SEMA4D: variants seen among roughly 807,000 people sequenced by gnomAD.
SEMA4D encodes semaphorin 4D.
SEMA4D carries 22 observed loss-of-function variants against 74.8 expected under a neutral mutation model. That is an observed-to-expected ratio of 0.29 (90% CI 0.21 to 0.42). The LOEUF (loss-of-function observed/expected upper bound fraction) is 0.42, where lower values mean the gene tolerates loss of function less well. Ranked by LOEUF, SEMA4D falls within the 10% of genes least tolerant of loss-of-function variation. SEMA4D has a pLI of 1.00. For synonymous variants in SEMA4D, 445 were observed against 463.7 expected, an observed-to-expected ratio of 0.96 and a Z score of 0.52; for missense variants, 937 against 1,118.4, an observed-to-expected ratio of 0.84 and a Z score of 2.31.
At chr9:89,376,707 GC>G, downstream of SEMA4D, 1 of 1,342,356 alleles carries the variant, frequency 7.4e-7, no homozygotes, top group Admixed American at 2.7e-5. Flanking sequence ...CCCGAGGGAC[GC>G]AGCCAGGACA....
chr9:89,471,559 TAC>T (rs1470790591), intron 1 of SEMA4D, among the ~76,000 whole-genome samples: 1 of 152,252 alleles, frequency 6.6e-6, no homozygotes, highest in Admixed American at 6.5e-5. Flanking sequence ...ATCTTTATCA[TAC>T]ACACTGGCTC....
chr9:89,385,514 T>C, intron 13 of SEMA4D: 1 of 985,396 alleles, frequency 1.0e-6, no homozygotes, highest in Non-Finnish European at 1.2e-6. Flanking sequence ...GGTGAACAGA[T>C]GCCAGTACCC....
intron 2 of SEMA4D, among the ~76,000 whole-genome samples, chr9:89,451,636 G>A (rs1747269813): frequency 1.3e-5 from 2 of 152,166 alleles, no homozygotes; most frequent in African/African-American, 4.8e-5. Flanking sequence ...CTGGGACTTT[G>A]TAGAGAAAGG....
chr9:89,462,981 A>AGCGAGGGGAGGGGAGCGAGCGAG (rs370582513), intron 1 of SEMA4D, among the ~76,000 whole-genome samples: 6 of 144,476 alleles, frequency 4.2e-5, no homozygotes, highest in African/African-American at 5.1e-5. Flanking sequence ...GAGGGGAGCG[A>AGCGAGGGGAGGGGAGCGAGCGAG]GGGAGAAAGA....
At chr9:89,399,760 G>A (rs1391887895) in intron 4 of SEMA4D, among the ~76,000 whole-genome samples, 1 of 152,110 alleles carries the variant, frequency 6.6e-6, no homozygotes, top group Non-Finnish European at 1.5e-5. Flanking sequence ...CACTTTGGGA[G>A]GCTGAGGCAG....
chr9:89,475,349 G>A (rs999398982), intron 1 of SEMA4D, among the ~76,000 whole-genome samples: 3 of 152,204 alleles, frequency 2.0e-5, no homozygotes, highest in Non-Finnish European at 4.4e-5. Flanking sequence ...GGGGACACAT[G>A]CTGACCACCA....
At chr9:89,456,644 G>A (rs1856002683) in intron 1 of SEMA4D, among the ~76,000 whole-genome samples, 1 of 152,184 alleles carries the variant, frequency 6.6e-6, no homozygotes, top group East Asian at 1.9e-4. Flanking sequence ...GCAGCGGCAC[G>A]ATCTCAGCTC....
At chr9:89,480,744 A>G (rs1224594543) in intron 1 of SEMA4D, among the ~76,000 whole-genome samples, 1 of 152,176 alleles carries the variant, frequency 6.6e-6, no homozygotes, top group Non-Finnish European at 1.5e-5. Context: ...GCCCACCCGG[A>G]ACTCCAGCTG....
chr9:89,474,226 T>C (rs1172721655), intron 1 of SEMA4D, among the ~76,000 whole-genome samples: 3 of 152,212 alleles, frequency 2.0e-5, no homozygotes, highest in Non-Finnish European at 2.9e-5. Context: ...CTGGCACCAA[T>C]AAACCCCGAA....
chr9:89,432,644 A>T (rs548774848), intron 2 of SEMA4D, among the ~76,000 whole-genome samples: 11 of 152,344 alleles, frequency 7.2e-5, no homozygotes, highest in Admixed American at 3.9e-4. Flanking sequence ...GAGGTTAAAA[A>T]GCAAAAACAA....
At chr9:89,373,765 G>A (rs1357024180), downstream of SEMA4D, among the ~76,000 whole-genome samples, 1 of 152,184 alleles carries the variant, frequency 6.6e-6, no homozygotes, top group Non-Finnish European at 1.5e-5. Flanking sequence ...CCTGTGCCTT[G>A]AGTGCACTGT....
intron 5 of SEMA4D, among the ~76,000 whole-genome samples, chr9:89,397,324 G>A (rs751240836): frequency 5.3e-5 from 8 of 152,184 alleles, no homozygotes; most frequent in Non-Finnish European, 1.2e-4. Context: ...GCCAGGCCTG[G>A]AGAAGTGTCC....
rs758698535 is a variant in SEMA4D, at chr9:89,379,511, C to G, written c.1782G>C (p.Leu594Phe). ...GACCGTACTTGGGGCTCTCGGCCTT[C>G]AACACGCCATTCTGGAACTTCCAAA... ...RVFWKFQNGV[L>F]KAESPKYGLM... The change falls in exon 16 of 16, where the codon TTG becomes TTC. Residue 594 changes from leucine to phenylalanine, a missense_variant. By Grantham distance (22) the Leu-to-Phe change is conservative. Transcript: ENST00000422704. 3.7e-6 allele frequency: 6 copies of G among 1,614,182 alleles called. No individual in the cohort carries two copies. In the South Asian group the frequency reaches 6.6e-5, roughly 18 times the overall value.
At chr9:89,414,345 GT>G (rs1321151007) in intron 2 of SEMA4D, among the ~76,000 whole-genome samples, 1 of 152,194 alleles carries the variant, frequency 6.6e-6, no homozygotes, top group Non-Finnish European at 1.5e-5. Flanking sequence ...TATCTCAGGG[GT>G]TTGCCCAGAT....
At chr9:89,479,035 A>T (rs1862499134) in intron 1 of SEMA4D, among the ~76,000 whole-genome samples, 2 of 152,158 alleles carry the variant, frequency 1.3e-5, no homozygotes, top group Non-Finnish European at 2.9e-5. Flanking sequence ...CCCCTCACTT[A>T]TCAGGGCCCT....
At chr9:89,453,795 T>C (rs572687154) in intron 2 of SEMA4D, among the ~76,000 whole-genome samples, 5 of 151,910 alleles carry the variant, frequency 3.3e-5, no homozygotes, top group Non-Finnish European at 7.4e-5. Context: ...CACTTCACGC[T>C]GGGAAAAGTC....
intron 2 of SEMA4D, among the ~76,000 whole-genome samples, chr9:89,446,692 A>G (rs1852953606): frequency 1.3e-5 from 2 of 151,970 alleles, no homozygotes; most frequent in Non-Finnish European, 2.9e-5. Context: ...GCCATCCTGG[A>G]CCCTGGTGGC....
intron 2 of SEMA4D, among the ~76,000 whole-genome samples, chr9:89,441,163 C>T (rs988013116): frequency 6.6e-6 from 1 of 152,228 alleles, no homozygotes; most frequent in African/African-American, 2.4e-5. Context: ...AAACATGTCC[C>T]AGTCCAAATC....
intron 1 of SEMA4D, among the ~76,000 whole-genome samples, chr9:89,458,191 G>A (rs958498288): frequency 2.0e-5 from 3 of 152,164 alleles, no homozygotes; most frequent in Non-Finnish European, 2.9e-5. Flanking sequence ...GAGTGGCTGC[G>A]CAGGAAACAC....
Sources: gnomAD v4.1 joint callset for allele counts (sites outside exome capture counted in the v4.1 genomes callset) on GRCh38, gnomAD v4.1.1 for gene constraint, MANE v1.5 for transcripts, NCBI Gene and HGNC (gene_info 2026-07-23, HGNC 2026-07-21) for gene names.